Variants in NLK observed in about 807,000 individuals in gnomAD.
NLK encodes the protein serine/threonine-protein kinase NLK.
In NLK, 11 loss-of-function variants were observed where a neutral mutation model predicts 59.0. The ratio of observed to expected loss-of-function variants is 0.19; its 90% CI spans 0.12 to 0.31. The LOEUF (loss-of-function observed/expected upper bound fraction) is 0.31, where lower values mean the gene tolerates loss of function less well. NLK is among the 10% of genes least tolerant of loss of function. The pLI is 1.00. For synonymous variants in NLK, 235 were observed against 235.9 expected (o/e 1.00, Z 0.03); for missense variants, 410 against 661.1 (o/e 0.62, Z 4.16).
intron 4 of NLK, among the ~76,000 whole-genome samples, chr17:28,162,594 G>A (rs947213021): frequency 6.6e-6 from 1 of 152,068 alleles, no homozygotes; most frequent in Non-Finnish European, 1.5e-5. Context: ...CCAAGATCGC[G>A]TCACTGCACT....
intron 7 of NLK, among the ~76,000 whole-genome samples, chr17:28,174,903 T>C (rs1908611376): frequency 6.6e-6 from 1 of 152,046 alleles, no homozygotes; most frequent in Non-Finnish European, 1.5e-5. Context: ...TGCTTGAAGG[T>C]ATTGCCATTC....
At chr17:28,146,667 G>A (rs1907268535) in intron 3 of NLK, among the ~76,000 whole-genome samples, 1 of 152,104 alleles carries the variant, frequency 6.6e-6, no homozygotes, top group Non-Finnish European at 1.5e-5. Flanking sequence ...TGCTGAACCT[G>A]TTAACTCCTT....
At chr17:28,078,136 TAC>T (rs2142763309) in intron 1 of NLK, among the ~76,000 whole-genome samples, 1 of 152,360 alleles carries the variant, frequency 6.6e-6, no homozygotes, top group Non-Finnish European at 1.5e-5. Flanking sequence ...GAAAGTACTG[TAC>T]ATTATTTTTT....
intron 3 of NLK, among the ~76,000 whole-genome samples, chr17:28,140,621 C>T (rs1411319419): frequency 6.6e-6 from 1 of 151,960 alleles, no homozygotes; most frequent in Non-Finnish European, 1.5e-5. Context: ...GCAGGTAATA[C>T]AAAATATGGT....
At chr17:28,197,346 A>G (rs916795460), downstream of NLK, among the ~76,000 whole-genome samples, 1 of 151,982 alleles carries the variant, frequency 6.6e-6, no homozygotes, top group Non-Finnish European at 1.5e-5. Flanking sequence ...GCGGGCGCCT[A>G]TAATCCCACC....
chr17:28,104,310 A>G (rs1597682372), intron 1 of NLK, among the ~76,000 whole-genome samples: 1 of 152,290 alleles, frequency 6.6e-6, no homozygotes, highest in East Asian at 1.9e-4. Context: ...GCTAGAGTGC[A>G]GTGGTGCAAT....
intron 1 of NLK, among the ~76,000 whole-genome samples, chr17:28,100,376 G>C (rs1904864080): frequency 6.6e-6 from 1 of 152,040 alleles, no homozygotes; most frequent in African/African-American, 2.4e-5. Flanking sequence ...ATGTTTTATT[G>C]GAATAGAGAA....
intron 1 of NLK, among the ~76,000 whole-genome samples, chr17:28,082,911 C>T (rs892498461): frequency 6.6e-6 from 1 of 152,180 alleles, no homozygotes; most frequent in Non-Finnish European, 1.5e-5. Context: ...ATTGGCTATA[C>T]TATGTAGTCT....
rs535354478 is a variant in NLK at position 28,086,532 on chromosome 17, T to C, written c.459-36071T>C. Among the ~76,000 whole-genome samples the C allele has an allele frequency of 1.4e-3, 216 of 152,292 alleles. 1 individual carries two copies. Among genetic ancestry groups the C allele is most frequent in the Non-Finnish European group, 2.5e-3 (170 of 68,030 alleles). On this transcript the variant is annotated intron_variant, in intron 1 of 10. Coordinates refer to ENST00000407008, the MANE Select transcript of NLK (RefSeq NM_016231.5). Reference sequence around the variant, plus strand: ...CACCAATGATGTATGAAAATACAGTTTTATAGTATTATTGTTTTGTTATTT... The same window carrying C: ...CACCAATGATGTATGAAAATACAGTCTTATAGTATTATTGTTTTGTTATTT...
At chr17:28,168,335 CA>C (rs371518289) in intron 5 of NLK, 112 bp from the exon 6 acceptor site, 134,966 of 546,188 alleles carry the variant, frequency 0.25, 155 homozygotes, top group South Asian at 0.3. Context: ...GACTCCATCT[CA>C]AAAAAAAAAA....
intron 4 of NLK, 62 bp downstream of exon 4, chr17:28,161,328 A>C: frequency 4.4e-6 from 4 of 902,940 alleles, no homozygotes; most frequent in Non-Finnish European, 5.5e-6. Flanking sequence ...TTTGCTTCTC[A>C]TTTAGACTTT....
In NLK at chr17:28,194,606, G is replaced by A; in HGVS notation, c.1554G>A (p.Glu518=). The A allele has an allele frequency of 1.3e-6, 2 of 1,599,492 alleles. No individual in the cohort carries two copies. The highest frequency in any genetic ancestry group is 1.1e-5 in the South Asian group (1 of 89,682). Residue 518 remains glutamate, a synonymous_variant, in exon 11 of 11, where the codon GAG becomes GAA. Coordinates refer to ENST00000407008, the MANE Select transcript of NLK (RefSeq NM_016231.5). ...GTTCCACTGTTGCTCAGCCATCTGA[G>A]ATGCCCCCATCTCCTCTGGTGTGGG... is the stretch of plus-strand genomic sequence containing the variant. The part of the protein sequence containing the change: ...FISSTVAQPS[E]MPPSPLVWE
At chr17:28,054,455 C>T (rs1299490400) in intron 1 of NLK, among the ~76,000 whole-genome samples, 1 of 152,110 alleles carries the variant, frequency 6.6e-6, no homozygotes, top group Non-Finnish European at 1.5e-5. Flanking sequence ...GGATTCTTTG[C>T]AGAAGATTTA....
At chr17:28,126,632 C>T (rs1248065822) in intron 2 of NLK, among the ~76,000 whole-genome samples, 1 of 152,126 alleles carries the variant, frequency 6.6e-6, no homozygotes, top group Non-Finnish European at 1.5e-5. Context: ...TTGAAAGGAA[C>T]CTTCAAAGTC....
chr17:28,192,103 G>A lies in NLK; in HGVS notation c.1436-17G>A. 2 of 1,518,104 alleles carry A rather than the reference G, an allele frequency of 1.3e-6. No individual in the cohort carries two copies. The highest frequency in any genetic ancestry group is 2.3e-5 in the South Asian group (2 of 86,072). The allele number at this position is 1,518,104 out of a possible 1,614,324, so 94.0% of individuals were successfully genotyped here. A position where few individuals can be genotyped will look rare whatever the true frequency, so the allele number is the denominator to read the frequency against. On this transcript the variant is annotated splice_polypyrimidine_tract_variant and intron_variant, in intron 9 of 10. Transcript: ENST00000407008. ...TGCAAATTGTCATGGATTGTATGAT[G>A]TTTGTTTTCTCCACAGAAATTATTC...
chr17:28,138,782 G>A (rs1906865523), intron 3 of NLK, among the ~76,000 whole-genome samples: 1 of 152,088 alleles, frequency 6.6e-6, no homozygotes, highest in Non-Finnish European at 1.5e-5. Flanking sequence ...CCACATTCAG[G>A]AAATTCTGTT....
chr17:28,051,079 CA>C (rs564894359), intron 1 of NLK, among the ~76,000 whole-genome samples: 1,748 of 63,404 alleles, frequency 0.028, 23 homozygotes, highest in African/African-American at 0.076. Context: ...GAACCTGTCT[CA>C]AAAAAAAAAA....
intron 2 of NLK, among the ~76,000 whole-genome samples, chr17:28,123,186 G>A (rs768822128): frequency 2.6e-5 from 4 of 152,152 alleles, no homozygotes; most frequent in Non-Finnish European, 4.4e-5. Flanking sequence ...ATCAGGAAAC[G>A]TTGAACCTAT....
At chr17:28,114,713 A>T (rs770424881) in intron 1 of NLK, among the ~76,000 whole-genome samples, 39 of 152,046 alleles carry the variant, frequency 2.6e-4, no homozygotes, top group Non-Finnish European at 5.4e-4. Flanking sequence ...TCCTACCTGG[A>T]ATTTGTTTTT....
Sources: gnomAD v4.1 joint callset for allele counts (sites outside exome capture counted in the v4.1 genomes callset) on GRCh38, gnomAD v4.1.1 for gene constraint, MANE v1.5 for transcripts, NCBI Gene and HGNC (gene_info 2026-07-23, HGNC 2026-07-21) for gene names.